Variants in PDE11A observed in about 807,000 individuals in gnomAD.
PDE11A encodes the protein dual 3',5'-cyclic-AMP and -GMP phosphodiesterase 11A.
In PDE11A, 100 loss-of-function variants were observed where a neutral mutation model predicts 100.5. That is an observed-to-expected ratio of 1.00 (90% confidence interval 0.85 to 1.18). PDE11A has a LOEUF of 1.18. PDE11A is among the 50% of genes most tolerant of loss of function. The pLI, the probability that PDE11A is intolerant of heterozygous loss-of-function variation, is 0.00. For missense variants in PDE11A, 1,141 were observed against 1,152.6 expected (o/e 0.99, Z 0.15); for synonymous variants, 381 against 420.8 (o/e 0.91, Z 1.16).
intron 2 of PDE11A, among the ~76,000 whole-genome samples, chr2:178,010,350 A>C (rs1380078977): frequency 6.6e-6 from 1 of 152,224 alleles, no homozygotes; most frequent in Non-Finnish European, 1.5e-5. Flanking sequence ...AACGTGGGAC[A>C]AGGTTTTCTG....
intron 9 of PDE11A, among the ~76,000 whole-genome samples, chr2:177,800,289 C>G (rs537730853): frequency 6.6e-6 from 1 of 151,934 alleles, no homozygotes; most frequent in Non-Finnish European, 1.5e-5. Flanking sequence ...GCCACCTCAG[C>G]TTCCTGAGTA....
At chr2:177,755,869 C>A (rs1451856020) in intron 10 of PDE11A, among the ~76,000 whole-genome samples, 1 of 152,186 alleles carries the variant, frequency 6.6e-6, no homozygotes. Flanking sequence ...ATATTTGGCC[C>A]AAGGGGCCAC....
chr2:178,029,206 A>C (rs2086515445), intron 1 of PDE11A, among the ~76,000 whole-genome samples: 1 of 152,206 alleles, frequency 6.6e-6, no homozygotes, highest in African/African-American at 2.4e-5. Flanking sequence ...TGACATGAAA[A>C]GTTTATGAAA....
chr2:177,997,992 T>G, intron 2 of PDE11A: 4 of 1,210,130 alleles, frequency 3.3e-6, no homozygotes, highest in Non-Finnish European at 4.9e-6. Context: ...CACAGAAATA[T>G]GTCACAGACC....
chr2:177,957,016 C>T (rs2085572999), intron 2 of PDE11A, among the ~76,000 whole-genome samples: 1 of 151,174 alleles, frequency 6.6e-6, no homozygotes, highest in African/African-American at 2.4e-5. Context: ...CAAACCTGCA[C>T]ATTGTGTACG....
At chr2:177,706,191 T>C (rs13012431) in intron 13 of PDE11A, among the ~76,000 whole-genome samples, 24,649 of 152,218 alleles carry the variant, frequency 0.16, 2,258 homozygotes, top group Middle Eastern at 0.28. Context: ...ACACTTTTTA[T>C]TGTAGAGGCA....
chr2:178,097,986 A>T (rs1354004467), intron 2 of PDE11A, among the ~76,000 whole-genome samples: 1 of 152,256 alleles, frequency 6.6e-6, no homozygotes, highest in African/African-American at 2.4e-5. Context: ...AAATTGATCA[A>T]TCAAGGCCTA....
chr2:177,669,678 A>G, intron 17 of PDE11A, 111 bp from the exon 18 acceptor site: 1 of 737,156 alleles, frequency 1.4e-6, no homozygotes, highest in Non-Finnish European at 2.5e-6. Context: ...TCATTTAAAA[A>G]GCTTATGAGG....
intron 5 of PDE11A, among the ~76,000 whole-genome samples, chr2:177,843,161 T>C (rs1268476647): frequency 1.3e-5 from 2 of 152,192 alleles, no homozygotes; most frequent in Non-Finnish European, 2.9e-5. Context: ...CTCAGATAAA[T>C]CCTGTGAGAT....
intron 9 of PDE11A, among the ~76,000 whole-genome samples, chr2:177,808,251 C>T (rs899780475): frequency 5.3e-5 from 8 of 152,104 alleles, no homozygotes; most frequent in African/African-American, 1.9e-4. Flanking sequence ...TACTGGTGTG[C>T]TACATTTGGA....
At chr2:177,928,944 A>C (rs948325099) in intron 2 of PDE11A, among the ~76,000 whole-genome samples, 1 of 152,180 alleles carries the variant, frequency 6.6e-6, no homozygotes, top group Non-Finnish European at 1.5e-5. Context: ...TGTTCCTTAA[A>C]GTGAAGGTGT....
intron 12 of PDE11A, among the ~76,000 whole-genome samples, chr2:177,724,414 G>A (rs2081571144): frequency 6.6e-6 from 1 of 151,832 alleles, no homozygotes; most frequent in Non-Finnish European, 1.5e-5. Flanking sequence ...GAGTCAATAA[G>A]TTTATTTTCC....
At chr2:178,011,925 A>C (rs1396050470) in intron 2 of PDE11A, 2 of 152,218 alleles carry the variant, frequency 1.3e-5, no homozygotes, top group Non-Finnish European at 2.9e-5. Flanking sequence ...CAGTACAGCC[A>C]TTATACTTTG....
At chr2:177,714,902 G>C (rs1448483559) in intron 12 of PDE11A, among the ~76,000 whole-genome samples, 1 of 152,070 alleles carries the variant, frequency 6.6e-6, no homozygotes. Context: ...TGACCCTGGG[G>C]TCTGGTCTGG....
intron 5 of PDE11A, among the ~76,000 whole-genome samples, chr2:177,867,170 T>G (rs551043781): frequency 1.3e-5 from 2 of 152,340 alleles, no homozygotes; most frequent in East Asian, 3.9e-4. Flanking sequence ...TTGAAAGTCA[T>G]GATCTAAGGG....
intron 2 of PDE11A, among the ~76,000 whole-genome samples, chr2:177,924,782 G>A (rs2085103386): frequency 6.7e-6 from 1 of 149,646 alleles, no homozygotes; most frequent in Non-Finnish European, 1.5e-5. Flanking sequence ...ACATTGTGCA[G>A]GTTAGTTACA....
intron 19 of PDE11A, among the ~76,000 whole-genome samples, chr2:177,640,360 A>T (rs1181998884): frequency 6.6e-6 from 1 of 152,192 alleles, no homozygotes; most frequent in Non-Finnish European, 1.5e-5. Context: ...GAAATGGAAA[A>T]CCACTGATGA....
At position 177,859,043 on chromosome 2, in the gene PDE11A, C is replaced by A. The variant is rs577945973; in HGVS notation, c.1367+16816G>T. Among the ~76,000 whole-genome samples, 112 of 152,054 alleles carry A rather than the reference C, an allele frequency of 7.4e-4. 1 individual carries two copies. The highest frequency in any genetic ancestry group is 3.4e-3 in the Middle Eastern group (1 of 294). On this transcript the variant is annotated intron_variant, in intron 5 of 19. Transcript: ENST00000286063. ...TTCTCGCTCATAGGTGGGAATTGAACAATGAGAACACTTGGACACAGGAAG... is the reference window on the plus strand; with the variant it reads ...TTCTCGCTCATAGGTGGGAATTGAAAAATGAGAACACTTGGACACAGGAAG...
chr2:177,929,949 A>G (rs2105762586), intron 2 of PDE11A, among the ~76,000 whole-genome samples: 1 of 152,348 alleles, frequency 6.6e-6, no homozygotes, highest in South Asian at 2.1e-4. Context: ...ATTATAATAA[A>G]CAAAATACAC....
Sources: gnomAD v4.1 joint callset for allele counts (sites outside exome capture counted in the v4.1 genomes callset) on GRCh38, gnomAD v4.1.1 for gene constraint, MANE v1.5 for transcripts, NCBI Gene and HGNC (gene_info 2026-07-23, HGNC 2026-07-21) for gene names.